Variants in MPRIP observed in about 807,000 individuals in gnomAD.
The protein encoded by MPRIP is myosin phosphatase Rho interacting protein, also known as myosin phosphatase Rho-interacting protein.
MPRIP carries 59 observed loss-of-function variants against 234.9 expected under a neutral mutation model. The ratio of observed to expected loss-of-function variants is 0.25; its 90% CI spans 0.20 to 0.31. The LOEUF is 0.31. Ranked by LOEUF, MPRIP falls within the 10% of genes least tolerant of loss-of-function variation. MPRIP has a pLI of 1.00. For missense variants in MPRIP, 2,436 were observed against 3,071.0 expected (o/e 0.79, Z 4.89); for synonymous variants, 1,144 against 1,263.9 (o/e 0.91, Z 2.01).
chr17:17,088,663 C>A (rs1249783131), intron 3 of MPRIP, among the ~76,000 whole-genome samples: 1 of 152,146 alleles, frequency 6.6e-6, no homozygotes, highest in Non-Finnish European at 1.5e-5. Flanking sequence ...GCTTCCCTTG[C>A]TCTGCCCCCT....
intron 7 of MPRIP, among the ~76,000 whole-genome samples, chr17:17,139,043 CTT>C (rs1041641205): frequency 2.6e-5 from 4 of 152,238 alleles, no homozygotes; most frequent in African/African-American, 9.6e-5. Flanking sequence ...CCCTCTAAGA[CTT>C]TGACTGGCTG....
chr17:17,187,894 A>G lies in MPRIP; in HGVS notation c.*3000A>G, dbSNP rs900961360. The G allele has an allele frequency of 1.3e-5, 2 of 152,258 alleles. No individual in the cohort carries two copies. The highest frequency in any genetic ancestry group is 2.9e-5 in the Non-Finnish European group (2 of 68,056). 9.4% of individuals were successfully genotyped at this position (152,258 alleles called of 1,614,324 possible). A position where few individuals can be genotyped will look rare whatever the true frequency, so the allele number is the denominator to read the frequency against. On this transcript the variant is annotated 3_prime_UTR_variant, in exon 24 of 24. Coordinates refer to ENST00000651222, the MANE Select transcript of MPRIP (RefSeq NM_001364716.4). ...GCTTTACCGATGAGGAAGAAGTTCA[A>G]ATAGATAGACTTCAGCATTTTAATT...
intron 1 of MPRIP, among the ~76,000 whole-genome samples, chr17:17,073,580 G>A (rs1234625936): frequency 6.6e-6 from 1 of 152,196 alleles, no homozygotes; most frequent in Non-Finnish European, 1.5e-5. Flanking sequence ...CTAGCCTCTG[G>A]CCTCACAGGT....
Position 17,164,352 on chromosome 17 carries a change from G to A in MPRIP, c.2761G>A (p.Ala921Thr). The A allele has an allele frequency of 7.7e-7, 1 of 1,300,910 alleles. No homozygotes were observed. Among genetic ancestry groups the A allele is most frequent in the Non-Finnish European group, 1.0e-6 (1 of 988,778 alleles). The allele number at this position is 1,300,910 out of a possible 1,614,324, so 80.6% of individuals were successfully genotyped here. ...GCTAGCCATCAAGGAGCAGGCGCTG[G>A]CCAAGCTCAAGGGCGACCTGAAGCG... ...AELAIKEQAL[A>T]KLKGDLKREQ... The change falls in exon 16 of 24, where the codon GCC (alanine) becomes ACC (threonine). Residue 921 changes from alanine (A) to threonine (T), a missense_variant. Ala to Thr is a moderately conservative substitution (Grantham distance 58, BLOSUM62 0). Coordinates refer to ENST00000651222, the MANE Select transcript of MPRIP (RefSeq NM_001364716.4).
chr17:17,044,267 C>G (rs940952672), intron 1 of MPRIP, among the ~76,000 whole-genome samples: 3 of 152,184 alleles, frequency 2.0e-5, no homozygotes, highest in Non-Finnish European at 4.4e-5. Flanking sequence ...TCATTTACCT[C>G]GGAGGGTGTT....
chr17:17,091,057 C>T (rs1030444370), intron 3 of MPRIP, among the ~76,000 whole-genome samples: 1 of 151,386 alleles, frequency 6.6e-6, no homozygotes, highest in Non-Finnish European at 1.5e-5. Context: ...TGGCTTCATC[C>T]CCCAAGACAG....
chr17:17,087,215 A>G (rs1389967242), intron 3 of MPRIP, among the ~76,000 whole-genome samples: 3 of 152,028 alleles, frequency 2.0e-5, no homozygotes, highest in Non-Finnish European at 4.4e-5. Flanking sequence ...TTTTGTAGTG[A>G]GGAAGCTTAG....
intron 18 of MPRIP, 112 bp downstream of exon 18, chr17:17,172,927 G>C: frequency 4.3e-6 from 4 of 924,908 alleles, no homozygotes; most frequent in Non-Finnish European, 6.6e-6. Context: ...AGTGGGGCCT[G>C]GGGCCCCTGG....
At chr17:17,148,027 T>C (rs1336896349) in intron 11 of MPRIP, among the ~76,000 whole-genome samples, 2 of 152,232 alleles carry the variant, frequency 1.3e-5, no homozygotes, top group Non-Finnish European at 2.9e-5. Context: ...AAAACGTCTG[T>C]TTCAGGTTAG....
intron 1 of MPRIP, among the ~76,000 whole-genome samples, chr17:17,048,293 C>T (rs1212430744): frequency 2.0e-5 from 3 of 152,072 alleles, no homozygotes; most frequent in South Asian, 4.2e-4. Flanking sequence ...GCCAAGGCTC[C>T]AAAGCTGCGG....
At chr17:17,126,641 T>A in intron 3 of MPRIP, 61 bp from the exon 4 acceptor site, 4 of 1,549,262 alleles carry the variant, frequency 2.6e-6, no homozygotes, top group Non-Finnish European at 1.7e-6. Context: ...GGCCTGGGGC[T>A]GTACGACATC....
At position 17,166,810 on chromosome 17, in the gene MPRIP, G is replaced by A. The variant is rs2046009264; in HGVS notation, c.5219G>A (p.Gly1740Asp). The A allele has an allele frequency of 1.5e-6, 2 of 1,304,224 alleles. No homozygotes were observed. The highest frequency in any genetic ancestry group is 2.0e-6 in the Non-Finnish European group (2 of 988,958). 80.8% of individuals were successfully genotyped at this position (1,304,224 alleles called of 1,614,324 possible). A position where few individuals can be genotyped will look rare whatever the true frequency, so the allele number is the denominator to read the frequency against. ...ALRLPAGHED[G>D]VQLSWDLSPL... is the part of the protein sequence containing the mutation. ...AGGCTTCCAGCGGGCCATGAAGATG[G>A]TGTTCAGCTGTCCTGGGACCTGAGC... Residue 1740 changes from glycine (G) to aspartate (D), a missense_variant, in exon 16 of 24, where the codon GGT becomes GAT. Transcript: ENST00000651222. This position sits in a 1 kb window ranked among gnomAD's most constrained non-coding sequence, Gnocchi z 4.4.
Position 17,042,962 on chromosome 17 carries a change from C to G in MPRIP, c.114C>G (p.Asp38Glu). 5 of 1,610,348 alleles carry G rather than the reference C, an allele frequency of 3.1e-6. No individual in the cohort carries two copies. The highest frequency in any genetic ancestry group is 3.4e-6 in the Non-Finnish European group (4 of 1,178,468). ...AGTCGCATCTGCTCAACGACGAGGACCTGACGCAGGTGAGCGACTGGGGCC... is the reference window on the plus strand; with the variant it reads ...AGTCGCATCTGCTCAACGACGAGGAGCTGACGCAGGTGAGCGACTGGGGCC... Reference protein sequence around the residue: ...PRESHLLNDEDLTQAKPIYGG... With the variant: ...PRESHLLNDEELTQAKPIYGG... Residue 38 changes from aspartate to glutamate, a missense_variant, in exon 1 of 24, where the codon GAC becomes GAG. By Grantham distance (45) the Asp-to-Glu change is conservative. Transcript: ENST00000651222.
chr17:17,086,284 G>T (rs933967907), intron 3 of MPRIP, among the ~76,000 whole-genome samples: 3 of 152,136 alleles, frequency 2.0e-5, no homozygotes, highest in African/African-American at 4.8e-5. Flanking sequence ...TGTTGAGAAG[G>T]TTCTTCCAGG....
intron 3 of MPRIP, among the ~76,000 whole-genome samples, chr17:17,122,404 A>ATT (rs2090407750): frequency 6.6e-6 from 1 of 152,140 alleles, no homozygotes; most frequent in East Asian, 1.9e-4. Flanking sequence ...CCCAGGCTGG[A>ATT]GTGCAGTGGC....
intron 3 of MPRIP, among the ~76,000 whole-genome samples, chr17:17,119,421 A>G (rs866870406): frequency 5.9e-5 from 9 of 152,216 alleles, no homozygotes; most frequent in African/African-American, 1.7e-4. Flanking sequence ...TGTGCAAACA[A>G]TTGTTAAGTC....
intron 4 of MPRIP, 94 bp from the exon 5 acceptor site, chr17:17,131,523 C>G: frequency 9.8e-7 from 1 of 1,024,894 alleles, no homozygotes; most frequent in Non-Finnish European, 1.5e-6. Flanking sequence ...GGACAATGCC[C>G]TGCTCTACTC....
intron 3 of MPRIP, among the ~76,000 whole-genome samples, chr17:17,119,807 T>C (rs1308872877): frequency 6.6e-6 from 1 of 152,188 alleles, no homozygotes; most frequent in African/African-American, 2.4e-5. Context: ...TCACAGTGCA[T>C]ATGAAAAAAT....
intron 3 of MPRIP, among the ~76,000 whole-genome samples, chr17:17,092,519 G>T (rs1205658244): frequency 1.3e-5 from 2 of 152,168 alleles, no homozygotes; most frequent in African/African-American, 4.8e-5. Context: ...AGAGGCCAGA[G>T]CCCAGTTGGT....
Sources: gnomAD v4.1 joint callset for allele counts (sites outside exome capture counted in the v4.1 genomes callset) on GRCh38, gnomAD v4.1.1 for gene constraint, Gnocchi (gnomAD v3.1) non-coding constraint, MANE v1.5 for transcripts, NCBI Gene and HGNC (gene_info 2026-07-23, HGNC 2026-07-21) for gene names.